PILRA: variants seen among roughly 807,000 people sequenced by gnomAD.
PILRA encodes the protein paired immunoglobulin-like type 2 receptor alpha.
Under a neutral mutation model 33.1 loss-of-function variants are expected in PILRA, and 37 were observed. That is an observed-to-expected ratio of 1.12 (90% CI 0.86 to 1.47). The LOEUF is 1.47. Ranked by LOEUF, PILRA falls within the 40% of genes most tolerant of loss-of-function variation. PILRA has a pLI of 0.00. For missense variants in PILRA, 312 were observed against 376.2 expected (o/e 0.83, Z 1.41); for synonymous variants, 146 against 149.9 (o/e 0.97, Z 0.19).
chr7:100,373,793 G>C, intron 1 of PILRA, 73 bp downstream of exon 1: 1 of 1,585,202 alleles, frequency 6.3e-7, no homozygotes. Flanking sequence ...ACAAAGGTGG[G>C]ACATCTTGGG....
intron 2 of PILRA, among the ~76,000 whole-genome samples, chr7:100,380,937 C>G (rs1348365723): frequency 1.3e-5 from 2 of 151,780 alleles, no homozygotes; most frequent in Non-Finnish European, 2.9e-5. Flanking sequence ...CACCACTGCA[C>G]TCCAGCCTGA....
chr7:100,380,881 G>C (rs1044965607), intron 2 of PILRA, among the ~76,000 whole-genome samples: 19 of 152,174 alleles, frequency 1.2e-4, no homozygotes, highest in African/African-American at 4.3e-4. Flanking sequence ...TGAGGCATAA[G>C]AATCACTTGA....
In PILRA at chr7:100,389,998, T is replaced by C; in HGVS notation, c.565T>C (p.Ser189Pro). 5 of 1,613,994 alleles carry C rather than the reference T, an allele frequency of 3.1e-6. No homozygotes were observed. Among genetic ancestry groups the C allele is most frequent in the Non-Finnish European group, 4.2e-6 (5 of 1,179,978 alleles). Reference sequence around the variant, plus strand: ...CACACAGGGCAAACGACGCTCAGACTCTTGGCACATAAGTCTGGAGACTGC... The same window carrying C: ...CACACAGGGCAAACGACGCTCAGACCCTTGGCACATAAGTCTGGAGACTGC... ...RVTQGKRRSD[S>P]WHISLETAVG... is the part of the protein sequence containing the mutation. The change falls in exon 3 of 7, where the codon TCT becomes CCT. Residue 189 changes from serine to proline, a missense_variant. Coordinates refer to ENST00000198536, the MANE Select transcript of PILRA (RefSeq NM_013439.3).
At chr7:100,382,019 C>G (rs1791115099) in intron 2 of PILRA, among the ~76,000 whole-genome samples, 1 of 148,484 alleles carries the variant, frequency 6.7e-6, no homozygotes, top group Non-Finnish European at 1.5e-5. Context: ...CCCCACCCCA[C>G]CCCCGTAGGC....
At position 100,389,923 on chromosome 7, in the gene PILRA, A is replaced by G. The variant is rs1791346940; in HGVS notation, c.490A>G (p.Thr164Ala). 15 of 1,613,910 alleles carry G rather than the reference A, an allele frequency of 9.3e-6. No homozygotes were observed. The highest frequency in any genetic ancestry group is 1.3e-5 in the Non-Finnish European group (15 of 1,179,960). ...CACCACCCAGAGGCCCAGCAGCATG[A>G]CTACCACCTGGAGGCTCAGTAGCAC... Reference protein sequence around the residue: ...TTTTQRPSSMTTTWRLSSTTT... With the variant: ...TTTTQRPSSMATTWRLSSTTT... The change falls in exon 3 of 7, where the codon ACT (threonine) becomes GCT (alanine). Residue 164 changes from threonine to alanine, a missense_variant. Physicochemically the swap from Thr to Ala is moderately conservative, Grantham distance 58. Coordinates refer to ENST00000198536, the MANE Select transcript of PILRA (RefSeq NM_013439.3).
intron 2 of PILRA, among the ~76,000 whole-genome samples, chr7:100,383,043 G>T (rs1287310372): frequency 6.6e-6 from 1 of 152,210 alleles, no homozygotes; most frequent in Non-Finnish European, 1.5e-5. Flanking sequence ...AGAGAAAAGA[G>T]TAGAACTGGA....
chr7:100,386,670 C>T (rs1791261860), intron 2 of PILRA, among the ~76,000 whole-genome samples: 1 of 151,800 alleles, frequency 6.6e-6, no homozygotes, highest in African/African-American at 2.4e-5. Flanking sequence ...GCATGTGCCA[C>T]CACACCCAGC....
chr7:100,392,129 T>G (rs553955779), intron 3 of PILRA, among the ~76,000 whole-genome samples: 53 of 152,284 alleles, frequency 3.5e-4, no homozygotes, highest in African/African-American at 1.3e-3. Context: ...GCCAATGTGG[T>G]GAAACCCTGT....
Position 100,397,883 on chromosome 7 carries a change from GCAGCGGACTAAAGCCACAACCC to G in PILRA, c.683_704del (p.Arg228ProfsTer26). ...TCACTGTTGGTCCCCCTACAGGTCA[GCAGCGGACTAAAGCCACAACCC>G]CAGCCAGGTGAGTGCTGGGCCTCCC... On this transcript the variant is annotated frameshift_variant, in exon 4 of 7. Transcript: ENST00000198536. LOFTEE classifies it high-confidence loss of function. 1 of 1,613,952 alleles carries G rather than the reference GCAGCGGACTAAAGCCACAACCC, an allele frequency of 6.2e-7. No individual in the cohort carries two copies. The highest frequency in any genetic ancestry group is 8.5e-7 in the Non-Finnish European group (1 of 1,179,942).
At chr7:100,382,825 C>G (rs1002602186) in intron 2 of PILRA, among the ~76,000 whole-genome samples, 1 of 152,140 alleles carries the variant, frequency 6.6e-6, no homozygotes, top group African/African-American at 2.4e-5. Flanking sequence ...ACTCTGGAAG[C>G]CAGCGAGACC....
intron 4 of PILRA, among the ~76,000 whole-genome samples, chr7:100,398,595 C>G (rs1035943606): frequency 6.6e-6 from 1 of 152,180 alleles, no homozygotes; most frequent in Non-Finnish European, 1.5e-5. Context: ...TCTATCCATT[C>G]ACCCAGCCTG....
At chr7:100,371,687 A>C (rs1790817416), upstream of PILRA, among the ~76,000 whole-genome samples, 1 of 152,152 alleles carries the variant, frequency 6.6e-6, no homozygotes, top group African/African-American at 2.4e-5. Flanking sequence ...CCACATTGGA[A>C]TCATGCCCTC....
chr7:100,389,818 A>G lies in PILRA; in HGVS notation c.455-70A>G, dbSNP rs906841816. Reference sequence around the variant, plus strand: ...AATGTCCCCCAACCTAGAAAGCAGCACACCACGCCTTTCACCCAGACACCC... The same window carrying G: ...AATGTCCCCCAACCTAGAAAGCAGCGCACCACGCCTTTCACCCAGACACCC... On this transcript the variant is annotated intron_variant, in intron 2 of 6. Coordinates refer to ENST00000198536, the MANE Select transcript of PILRA (RefSeq NM_013439.3). 4.0e-5 allele frequency: 52 copies of G among 1,313,162 alleles called. No individual in the cohort carries two copies. In the Admixed American group the frequency reaches 6.2e-4, roughly 16 times the overall value. The allele number at this position is 1,313,162 out of a possible 1,614,324, so 81.3% of individuals were successfully genotyped here. A position where few individuals can be genotyped will look rare whatever the true frequency, so the allele number is the denominator to read the frequency against.
rs188697407 is a variant in PILRA at position 100,388,677 on chromosome 7, C to T, written c.455-1211C>T. The stretch of plus-strand genomic sequence containing the variant: ...AGGAGAATCACTTGAACTTGGGAGG[C>T]GGAGGTTGCAGTGAGCCGAGGCTGC... On this transcript the variant is annotated intron_variant, in intron 2 of 6. Coordinates refer to ENST00000198536, the MANE Select transcript of PILRA (RefSeq NM_013439.3). Among the ~76,000 whole-genome samples, 463 of 131,538 alleles carry T rather than the reference C, an allele frequency of 3.5e-3. 4 individuals are homozygous for T. The highest frequency in any genetic ancestry group is 0.013 in the African/African-American group (437 of 34,826). 86.3% of individuals were successfully genotyped at this position (131,538 alleles called of 152,430 possible).
At chr7:100,378,903 TAACATGGTGAA>T (rs1791014037) in intron 2 of PILRA, among the ~76,000 whole-genome samples, 1 of 151,384 alleles carries the variant, frequency 6.6e-6, no homozygotes, top group Non-Finnish European at 1.5e-5. Context: ...CCATCCTGGC[TAACATGGTGAA>T]ACCCCGTCTC....
Position 100,373,540 on chromosome 7 carries a change from G to A in PILRA, c.-117G>A, listed in dbSNP as rs528050095. Reference sequence around the variant, plus strand: ...GCTCCTGGCCCCCACAGCCCTCTTCGGAGCCTGAGCCCGGCTCTCCTCACT... The same window carrying A: ...GCTCCTGGCCCCCACAGCCCTCTTCAGAGCCTGAGCCCGGCTCTCCTCACT... On this transcript the variant is annotated 5_prime_UTR_variant, in exon 1 of 7. Coordinates refer to ENST00000198536, the MANE Select transcript of PILRA (RefSeq NM_013439.3). 2.6e-4 allele frequency: 303 copies of A among 1,183,526 alleles called. No homozygotes were observed. In the Middle Eastern group the frequency reaches 3.0e-3, roughly 12 times the overall value. The allele number at this position is 1,183,526 out of a possible 1,614,324, so 73.3% of individuals were successfully genotyped here.
At chr7:100,387,525 T>TA (rs1470028824) in intron 2 of PILRA, among the ~76,000 whole-genome samples, 1 of 152,152 alleles carries the variant, frequency 6.6e-6, no homozygotes, top group Admixed American at 6.6e-5. Flanking sequence ...CAAGGTATAC[T>TA]AGTTCTTAAA....
rs762759580 is a variant in PILRA at position 100,373,721 on chromosome 7, G to A, written c.64+1G>A. On this transcript the variant is annotated splice_donor_variant, in intron 1 of 6. Coordinates refer to ENST00000198536, the MANE Select transcript of PILRA (RefSeq NM_013439.3). LOFTEE classifies it high-confidence loss of function. Reference sequence around the variant, plus strand: ...CTGCCGCCAGCATTTCTGCAGCCTAGTGAGTACCCAGGACCACCCAGATGT... The same window carrying A: ...CTGCCGCCAGCATTTCTGCAGCCTAATGAGTACCCAGGACCACCCAGATGT... The A allele has an allele frequency of 9.9e-6, 16 of 1,613,050 alleles. No individual in the cohort carries two copies. Among genetic ancestry groups the A allele is most frequent in the Non-Finnish European group, 1.3e-5 (15 of 1,179,974 alleles).
intron 2 of PILRA, among the ~76,000 whole-genome samples, chr7:100,380,477 TA>T (rs1259281512): frequency 6.6e-6 from 1 of 152,104 alleles, no homozygotes; most frequent in Non-Finnish European, 1.5e-5. Flanking sequence ...CTGGGAAATT[TA>T]AGATACAATA....
Sources: allele counts gnomAD v4.1 joint callset (sites outside exome capture counted in the v4.1 genomes callset), GRCh38; gene constraint gnomAD v4.1.1; transcripts MANE v1.5; gene names NCBI Gene and HGNC (gene_info 2026-07-23, HGNC 2026-07-21).